The following IL1RAPL1 variants were observed in gnomAD, a reference collection of about 807,000 sequenced individuals.
IL1RAPL1 encodes the protein interleukin-1 receptor accessory protein-like 1.
IL1RAPL1 carries 3 observed loss-of-function variants against 48.4 expected under a neutral mutation model. The ratio of observed to expected loss-of-function variants is 0.06; its 90% CI spans 0.03 to 0.16. The LOEUF (loss-of-function observed/expected upper bound fraction) is 0.16, where lower values mean the gene tolerates loss of function less well. Among genes scored for constraint, IL1RAPL1 ranks in the 10% least tolerant of loss-of-function variants. The probability of loss-of-function intolerance (pLI) is 1.00; values close to 1 mark genes in which losing one functional copy is unlikely to be tolerated. For missense variants in IL1RAPL1, 349 were observed against 530.6 expected, an observed-to-expected ratio of 0.66 and a Z score of 3.36; for synonymous variants, 185 against 187.7, an observed-to-expected ratio of 0.99 and a Z score of 0.12.
At chrX:29,493,971 G>A (rs922069813) in intron 5 of IL1RAPL1, among the ~76,000 whole-genome samples, 1 of 111,056 alleles carries the variant, frequency 9.0e-6, no homozygotes, top group Admixed American at 9.6e-5. Flanking sequence ...CTCAGCTCAC[G>A]GCAACCTCTG....
At chrX:29,769,023 A>G (rs974887038) in intron 6 of IL1RAPL1, among the ~76,000 whole-genome samples, 3 of 111,098 alleles carry the variant, frequency 2.7e-5, no homozygotes, top group African/African-American at 9.8e-5. Context: ...TAAATATCTC[A>G]GCAGTAACTC....
intron 3 of IL1RAPL1, among the ~76,000 whole-genome samples, chrX:29,332,655 T>TTA (rs1384479013): frequency 7.5e-5 from 6 of 79,726 alleles, no homozygotes; most frequent in African/African-American, 5.4e-4. Context: ...TTTATTTTAT[T>TTA]TTTTTTTTTT....
chrX:29,776,072 T>C (rs751027071), intron 6 of IL1RAPL1, among the ~76,000 whole-genome samples: 6 of 111,878 alleles, frequency 5.4e-5, no homozygotes, highest in African/African-American at 1.9e-4. Flanking sequence ...AACTCACAGC[T>C]TTCTCACTTC....
At chrX:28,971,493 C>T (rs1467437599) in intron 2 of IL1RAPL1, among the ~76,000 whole-genome samples, 1 of 111,745 alleles carries the variant, frequency 8.9e-6, no homozygotes, top group Non-Finnish European at 1.9e-5. Flanking sequence ...CCTATAAGAG[C>T]AAGACAAGGA....
At position 29,807,554 on chromosome X, in the gene IL1RAPL1, G is replaced by A. The variant is rs181979044; in HGVS notation, c.779-109910G>A. ...CTCTTGAACCCGGGAGGTGGAGGTT[G>A]CAATGAGCCAAGATTGCGCCACTGC... On this transcript the variant is annotated intron_variant, in intron 6 of 10. Transcript: ENST00000378993. Among the ~76,000 whole-genome samples the A allele has an allele frequency of 4.6e-3, 415 of 89,616 alleles. 1 individual carries two copies. The highest frequency in any genetic ancestry group is 0.017 in the African/African-American group (403 of 23,750). 77.8% of individuals were successfully genotyped at this position (89,616 alleles called of 115,157 possible).
intron 1 of IL1RAPL1, among the ~76,000 whole-genome samples, chrX:28,614,990 TCC>T (rs1934195612): frequency 9.1e-6 from 1 of 110,226 alleles, no homozygotes; most frequent in Non-Finnish European, 1.9e-5. Flanking sequence ...CCGGCTTCAC[TCC>T]ATTCTTCTGC....
intron 3 of IL1RAPL1, among the ~76,000 whole-genome samples, chrX:29,322,195 TTTTC>T (rs1399028499): frequency 2.7e-5 from 3 of 110,786 alleles, no homozygotes; most frequent in East Asian, 2.8e-4. Flanking sequence ...CTTTCTCTTT[TTTTC>T]TTTCTTTTTC....
chrX:29,773,084 A>C (rs1929106713), intron 6 of IL1RAPL1, among the ~76,000 whole-genome samples: 1 of 112,188 alleles, frequency 8.9e-6, no homozygotes. Flanking sequence ...TATACAATTA[A>C]CTCTTAACCT....
chrX:28,932,670 A>G (rs1923914869), intron 2 of IL1RAPL1, among the ~76,000 whole-genome samples: 1 of 110,298 alleles, frequency 9.1e-6, no homozygotes, highest in African/African-American at 3.3e-5. Context: ...TCTAATTTTT[A>G]ACATTGAGTA....
Position 29,939,754 on chromosome X carries a change from T to A in IL1RAPL1, c.1058-1897T>A, listed in dbSNP as rs1352670304. 2.7e-5 allele frequency among the ~76,000 whole-genome samples: 3 copies of A among 112,459 alleles called. No individual in the cohort carries two copies. The East Asian group carries it at 8.3e-4, about 31-fold the overall frequency. The stretch of plus-strand genomic sequence containing the variant: ...GATTTTCTTCAATTTCCCATTTAAT[T>A]TTAATAATTACAGAAAAACACACTT... On this transcript the variant is annotated intron_variant, in intron 8 of 10. Coordinates refer to ENST00000378993, the MANE Select transcript of IL1RAPL1 (RefSeq NM_014271.4).
At chrX:29,310,135 G>GAAAAAAAAAAAA (rs763228577) in intron 3 of IL1RAPL1, among the ~76,000 whole-genome samples, 1 of 41,155 alleles carries the variant, frequency 2.4e-5, no homozygotes, top group Non-Finnish European at 4.9e-5. Context: ...AAAAAGAAAG[G>GAAAAAAAAAAAA]AAAAAAAAAA....
chrX:28,994,700 CT>C (rs1319645996), intron 2 of IL1RAPL1, among the ~76,000 whole-genome samples: 1 of 111,760 alleles, frequency 8.9e-6, no homozygotes, highest in African/African-American at 3.3e-5. Flanking sequence ...GAGTGATTTT[CT>C]CAATTCTCGT....
intron 5 of IL1RAPL1, among the ~76,000 whole-genome samples, chrX:29,530,883 A>T (rs1921018503): frequency 8.9e-6 from 1 of 112,128 alleles, no homozygotes; most frequent in African/African-American, 3.2e-5. Context: ...TAGCTGAGCG[A>T]CTTTGGATGA....
At chrX:28,627,374 G>A (rs1038512764) in intron 1 of IL1RAPL1, among the ~76,000 whole-genome samples, 5 of 111,594 alleles carry the variant, frequency 4.5e-5, no homozygotes, top group Admixed American at 9.6e-5. Context: ...CTCCTCTGTC[G>A]CTCGCTAATG....
intron 8 of IL1RAPL1, among the ~76,000 whole-genome samples, chrX:29,929,644 A>G (rs1932923487): frequency 1.8e-5 from 2 of 111,648 alleles, no homozygotes; most frequent in African/African-American, 3.3e-5. Context: ...ACGACATGCA[A>G]CTGCAGTTCA....
intron 6 of IL1RAPL1, among the ~76,000 whole-genome samples, chrX:29,911,224 C>T (rs1434014389): frequency 9.0e-6 from 1 of 111,469 alleles, no homozygotes; most frequent in Non-Finnish European, 1.9e-5. Context: ...TTAAACTAAG[C>T]AAAAGAAACC....
At chrX:29,909,108 C>T (rs1050894966) in intron 6 of IL1RAPL1, among the ~76,000 whole-genome samples, 2 of 111,744 alleles carry the variant, frequency 1.8e-5, no homozygotes, top group Admixed American at 1.9e-4. Flanking sequence ...GGTGCAGTGG[C>T]TCATGCCTGT....
chrX:29,736,596 C>T (rs1233968528), intron 6 of IL1RAPL1, among the ~76,000 whole-genome samples: 1 of 111,392 alleles, frequency 9.0e-6, no homozygotes, highest in Non-Finnish European at 1.9e-5. Context: ...CGTTGTGGTG[C>T]ATGCCTGTAG....
intron 2 of IL1RAPL1, among the ~76,000 whole-genome samples, chrX:28,844,676 C>T (rs760508392): frequency 4.5e-5 from 5 of 110,858 alleles, no homozygotes; most frequent in African/African-American, 6.6e-5. Context: ...TAATGGACTT[C>T]GCTGAAGTTT....
Sources: allele counts gnomAD v4.1 joint callset (sites outside exome capture counted in the v4.1 genomes callset), GRCh38; gene constraint gnomAD v4.1.1; transcripts MANE v1.5; gene names NCBI Gene and HGNC (gene_info 2026-07-23, HGNC 2026-07-21).